Variants in ABCG8 observed in about 807,000 individuals in gnomAD.
ABCG8 encodes the protein ATP-binding cassette sub-family G member 8.
Under a neutral mutation model 71.3 loss-of-function variants are expected in ABCG8, and 81 were observed. That is an observed-to-expected ratio of 1.14 (90% CI 0.95 to 1.37). The LOEUF (loss-of-function observed/expected upper bound fraction) is 1.37, where lower values mean the gene tolerates loss of function less well. Ranked by LOEUF, ABCG8 falls within the 40% of genes most tolerant of loss-of-function variation. The pLI is 0.00. For synonymous variants in ABCG8, 451 were observed against 354.7 expected (o/e 1.27, Z -3.05); for missense variants, 1,119 against 866.2 (o/e 1.29, Z -3.66).
chr2:43,839,404 T>TC (rs1668485335), intron 1 of ABCG8, among the ~76,000 whole-genome samples: 23 of 2,976 alleles, frequency 7.7e-3, no homozygotes, highest in Non-Finnish European at 0.011. Context: ...TTTTCTTCTC[T>TC]TTTTTTTTTT....
chr2:43,845,504 T>C (rs1158511600), intron 2 of ABCG8, among the ~76,000 whole-genome samples: 4 of 152,240 alleles, frequency 2.6e-5, no homozygotes, highest in African/African-American at 7.2e-5. Flanking sequence ...ATTAACACAA[T>C]GTCTTGCACA....
chr2:43,849,913 T>G (rs929826919), intron 3 of ABCG8, among the ~76,000 whole-genome samples: 1 of 152,092 alleles, frequency 6.6e-6, no homozygotes, highest in African/African-American at 2.4e-5. Flanking sequence ...CAAAACTCCA[T>G]CTGGGGCCGG....
chr2:43,845,659 T>A (rs1352745570), intron 2 of ABCG8, among the ~76,000 whole-genome samples: 1 of 152,156 alleles, frequency 6.6e-6, no homozygotes, highest in Admixed American at 6.5e-5. Flanking sequence ...TCTCATTCTG[T>A]CACCCAGGCT....
intron 11 of ABCG8, among the ~76,000 whole-genome samples, chr2:43,877,172 A>G (rs76655836): frequency 0.041 from 6,069 of 149,218 alleles, 158 homozygotes; most frequent in South Asian, 0.087. Context: ...GGGGAAGACC[A>G]TGTCAATATA....
At position 43,873,907 on chromosome 2, in the gene ABCG8, C is replaced by T; in HGVS notation, c.1332C>T (p.Ser444=). Residue 444 remains serine (S), a synonymous_variant, in exon 9 of 13, where the codon TCC becomes TCT. Transcript: ENST00000272286. ...LYFGHGSIQL[S]FMDTAALLFM... ...TTGGCCATGGGAGCATCCAGCTCTC[C>T]TTCATGGATACAGCCGCCCTCTTGT... is the stretch of plus-strand genomic sequence containing the variant. The T allele has an allele frequency of 1.9e-6, 3 of 1,614,140 alleles. No individual in the cohort carries two copies. Among genetic ancestry groups the T allele is most frequent in the Non-Finnish European group, 2.5e-6 (3 of 1,180,034 alleles).
intron 10 of ABCG8, 31 bp downstream of exon 10, chr2:43,874,514 C>CCCA (rs751918121): frequency 3.2e-6 from 5 of 1,561,212 alleles, no homozygotes; most frequent in Middle Eastern, 1.7e-4. Context: ...GCAAGTGCCC[C>CCCA]CCACCCACCA....
In ABCG8 at chr2:43,880,664, G is replaced by T. The variant is rs1353406893; in HGVS notation, c.*2751G>T. On this transcript the variant is annotated 3_prime_UTR_variant, in exon 13 of 13. Transcript: ENST00000272286. ...AGAGTTAGGGAGTGTGTGTGTGTGT[G>T]CGCGCGCGCGCGCGCATGTGCATAC... is the stretch of plus-strand genomic sequence containing the variant. The T allele has an allele frequency of 7.5e-6, 1 of 134,182 alleles. No homozygotes were observed. Among genetic ancestry groups the T allele is most frequent in the East Asian group, 2.1e-4 (1 of 4,756 alleles). The allele number at this position is 134,182 out of a possible 1,614,324, so 8.3% of individuals were successfully genotyped here.
Position 43,881,915 on chromosome 2 carries a change from AGT to A in ABCG8, c.*4006_*4007del, listed in dbSNP as rs1670142198. ...TGCAATTACTTAACTCTGCTGTTAC[AGT>A]GTGAGAGCAGCTGTAGACTATAGTA... On this transcript the variant is annotated 3_prime_UTR_variant, in exon 13 of 13. Transcript: ENST00000272286. 1 of 152,176 alleles carries A rather than the reference AGT, an allele frequency of 6.6e-6. No homozygotes were observed. Among genetic ancestry groups the A allele is most frequent in the African/African-American group, 2.4e-5 (1 of 41,432 alleles). 9.4% of individuals were successfully genotyped at this position (152,176 alleles called of 1,614,324 possible).
chr2:43,859,864 T>G (rs1304932577), intron 6 of ABCG8, among the ~76,000 whole-genome samples: 2 of 151,594 alleles, frequency 1.3e-5, no homozygotes, highest in Non-Finnish European at 3.0e-5. Context: ...ATTCTCACTC[T>G]CTGGATAGAA....
At chr2:43,870,877 T>A (rs149024010) in intron 6 of ABCG8, among the ~76,000 whole-genome samples, 113 of 151,924 alleles carry the variant, frequency 7.4e-4, no homozygotes, top group African/African-American at 2.7e-3. Flanking sequence ...TCTGTCTCAT[T>A]AGATCTCTCA....
In ABCG8 at chr2:43,872,373, CCTTT is replaced by C. The variant is rs557394376; in HGVS notation, c.1211+70_1211+73del. ...CAAGTCTTTGTATATCACATTAAGC[CCTTT>C]CTATTAAAGTGAATTTAAAGGAGAA... On this transcript the variant is annotated intron_variant, in intron 8 of 12. Coordinates refer to ENST00000272286, the MANE Select transcript of ABCG8 (RefSeq NM_022437.3). 1,010 of 1,491,638 alleles carry C rather than the reference CCTTT, an allele frequency of 6.8e-4. 17 individuals are homozygous for C. In the South Asian group the frequency reaches 0.011, roughly 16 times the overall value. The allele number at this position is 1,491,638 out of a possible 1,614,324, so 92.4% of individuals were successfully genotyped here.
chr2:43,852,354 G>C lies in ABCG8; in HGVS notation c.562G>C (p.Val188Leu), dbSNP rs767597558. The C allele has an allele frequency of 5.0e-6, 8 of 1,612,184 alleles. No homozygotes were observed. Among genetic ancestry groups the C allele is most frequent in the East Asian group, 4.5e-5 (2 of 44,886 alleles). Residue 188 changes from valine to leucine, a missense_variant and splice_region_variant, in exon 5 of 13, where the codon GTG (valine) becomes CTG (leucine). By Grantham distance (32) the Val-to-Leu change is conservative. Transcript: ENST00000272286. Reference sequence around the variant, plus strand: ...CCTCAAAGCTCCTTCTGGCCCACAGGTGGAGGACGTGATCGCGGAGCTGCG... The same window carrying C: ...CCTCAAAGCTCCTTCTGGCCCACAGCTGGAGGACGTGATCGCGGAGCTGCG... ...TFSQAQRDKR[V>L]EDVIAELRLR...
chr2:43,875,317 C>T lies in ABCG8; in HGVS notation c.1660C>T (p.Pro554Ser). ...IMALAAAALL[P>S]TFHMASFFSN... ...GGCCCTGGCCGCCGCGGCCCTGCTC[C>T]CCACCTTCCACATGGCCTCCTTCTT... The change falls in exon 11 of 13, where the codon CCC becomes TCC. Residue 554 changes from proline to serine, a missense_variant. Transcript: ENST00000272286. 2.5e-6 allele frequency: 4 copies of T among 1,614,180 alleles called. No individual in the cohort carries two copies. In the South Asian group the frequency reaches 3.3e-5, roughly 13 times the overall value.
At position 43,878,242 on chromosome 2, in the gene ABCG8, G is replaced by T. The variant is rs865881285; in HGVS notation, c.*329G>T. 1 of 380,502 alleles carries T rather than the reference G, an allele frequency of 2.6e-6. No individual in the cohort carries two copies. The highest frequency in any genetic ancestry group is 5.1e-6 in the Non-Finnish European group (1 of 196,786). 23.6% of individuals were successfully genotyped at this position (380,502 alleles called of 1,614,324 possible). A position where few individuals can be genotyped will look rare whatever the true frequency, so the allele number is the denominator to read the frequency against. On this transcript the variant is annotated 3_prime_UTR_variant, in exon 13 of 13. Transcript: ENST00000272286. ...TATAGGATGGGAGCAAACTAGGAAT[G>T]AATTGGGTAGCTAGACTGTGCAGGA...
intron 1 of ABCG8, among the ~76,000 whole-genome samples, chr2:43,841,655 A>C (rs989912132): frequency 2.4e-4 from 36 of 152,124 alleles, no homozygotes; most frequent in African/African-American, 8.4e-4. Context: ...CCCAGGCCAC[A>C]GTGAAGGGGC....
rs1669875677 is a variant in ABCG8 at position 43,874,132 on chromosome 2, G to A, written c.1411+146G>A. On this transcript the variant is annotated intron_variant, in intron 9 of 12. Transcript: ENST00000272286. ...TTTTAAAGTTTGCATGTTAATATTA[G>A]CATACAAATGAAAGTAAATTACCGA... 4.2e-6 allele frequency: 4 copies of A among 952,186 alleles called. No individual in the cohort carries two copies. In the South Asian group the frequency reaches 5.5e-5, roughly 13 times the overall value. 59.0% of individuals were successfully genotyped at this position (952,186 alleles called of 1,614,324 possible).
At chr2:43,843,342 A>G (rs1668640275) in intron 1 of ABCG8, among the ~76,000 whole-genome samples, 1 of 152,200 alleles carries the variant, frequency 6.6e-6, no homozygotes, top group Admixed American at 6.5e-5. Context: ...GGAACTTGTT[A>G]ATGAAAGTGT....
At chr2:43,842,051 G>A (rs1668596843) in intron 1 of ABCG8, among the ~76,000 whole-genome samples, 1 of 151,894 alleles carries the variant, frequency 6.6e-6, no homozygotes, top group African/African-American at 2.4e-5. Flanking sequence ...CTGTGGCCCA[G>A]GCTGGAGTGC....
rs886056038 is a variant in ABCG8, at chr2:43,878,119, C to T, written c.*206C>T. ...GTCGAAAGGGATTTCTGCTCACTGG[C>T]AGGAGACTGCGATGACTGGGAGAAA... On this transcript the variant is annotated 3_prime_UTR_variant, in exon 13 of 13. Coordinates refer to ENST00000272286, the MANE Select transcript of ABCG8 (RefSeq NM_022437.3). 1.4e-6 allele frequency: 1 copy of T among 696,866 alleles called. No homozygotes were observed. The highest frequency in any genetic ancestry group is 4.1e-4 in the Middle Eastern group (1 of 2,444). The allele number at this position is 696,866 out of a possible 1,614,324, so 43.2% of individuals were successfully genotyped here. A position where few individuals can be genotyped will look rare whatever the true frequency, so the allele number is the denominator to read the frequency against.
Sources: gnomAD v4.1 joint callset for allele counts (sites outside exome capture counted in the v4.1 genomes callset) on GRCh38, gnomAD v4.1.1 for gene constraint, MANE v1.5 for transcripts, NCBI Gene and HGNC (gene_info 2026-07-23, HGNC 2026-07-21) for gene names.